The following CTSK variants were observed in gnomAD, a reference collection of about 807,000 sequenced individuals.
CTSK encodes cathepsin K.
CTSK carries 26 observed loss-of-function variants against 40.5 expected under a neutral mutation model. That is an observed-to-expected ratio of 0.64 (90% CI 0.47 to 0.89). CTSK has a LOEUF of 0.89. Ranked by LOEUF, CTSK falls within the 40% of genes least tolerant of loss-of-function variation. The pLI, the probability that CTSK is intolerant of heterozygous loss-of-function variation, is 0.00. For missense variants in CTSK, 292 were observed against 400.1 expected, an observed-to-expected ratio of 0.73 and a Z score of 2.30; for synonymous variants, 132 against 143.2, an observed-to-expected ratio of 0.92 and a Z score of 0.56.
chr1:150,799,145 A>G (rs369243472), intron 7 of CTSK, 23 bp downstream of exon 7: 62 of 1,470,964 alleles, frequency 4.2e-5, no homozygotes, highest in Admixed American at 6.7e-5. Flanking sequence ...ACTGAATAAC[A>G]AAAGTAGTGT....
intron 5 of CTSK, among the ~76,000 whole-genome samples, chr1:150,802,570 T>C (rs1654013868): frequency 1.3e-5 from 2 of 152,086 alleles, no homozygotes; most frequent in South Asian, 4.1e-4. Context: ...CACGCCATCA[T>C]ACCTGGCTAC....
intron 5 of CTSK, among the ~76,000 whole-genome samples, chr1:150,802,559 G>C (rs1037354519): frequency 6.6e-6 from 1 of 152,048 alleles, no homozygotes; most frequent in Non-Finnish European, 1.5e-5. Context: ...CTAGAACTAT[G>C]CACGCCATCA....
At chr1:150,802,556 T>C (rs941625026) in intron 5 of CTSK, among the ~76,000 whole-genome samples, 1 of 152,060 alleles carries the variant, frequency 6.6e-6, no homozygotes, top group African/African-American at 2.4e-5. Context: ...TAGCTAGAAC[T>C]ATGCACGCCA....
intron 5 of CTSK, among the ~76,000 whole-genome samples, chr1:150,803,507 G>C (rs1261123848): frequency 6.6e-6 from 1 of 152,154 alleles, no homozygotes; most frequent in African/African-American, 2.4e-5. Flanking sequence ...CTCCCTTTCA[G>C]ATATGATTTC....
At chr1:150,807,301 G>C (rs908212829) in intron 1 of CTSK, 1 of 471,458 alleles carries the variant, frequency 2.1e-6, no homozygotes, top group East Asian at 6.9e-5. Context: ...TCTTCGAGGC[G>C]TTCTTCTCTT....
intron 4 of CTSK, among the ~76,000 whole-genome samples, 180 bp downstream of exon 4, chr1:150,805,681 A>C (rs985611181): frequency 6.6e-6 from 1 of 151,396 alleles, no homozygotes; most frequent in Non-Finnish European, 1.5e-5. Context: ...AAAAAGAAAA[A>C]CCAGAAACAA....
rs868112062 is a variant in CTSK, at chr1:150,804,098, A to G, written c.541T>C (p.Tyr181His). ...ACATATTGGAAGGCATTGGTCATGT[A>G]GCCCCCTCCACAGCCATCATTCTCA... ...VSENDGCGGG[Y>H]MTNAFQYVQK... is the part of the protein sequence containing the mutation. The change falls in exon 5 of 8, where the codon TAC becomes CAC. Residue 181 changes from tyrosine to histidine, a missense_variant. Physicochemically the swap from Tyr to His is moderately conservative, Grantham distance 83. Transcript: ENST00000271651. 3 of 1,614,162 alleles carry G rather than the reference A, an allele frequency of 1.9e-6. No individual in the cohort carries two copies. In the Middle Eastern group the frequency reaches 4.9e-4, roughly 266 times the overall value.
chr1:150,806,607 A>G, intron 2 of CTSK, 79 bp downstream of exon 2: 2 of 1,584,760 alleles, frequency 1.3e-6, no homozygotes, highest in Non-Finnish European at 1.7e-6. Flanking sequence ...ATTTGGATTG[A>G]AGAAGGGAGT....
chr1:150,796,936 GTTTA>G (rs1343445667), intron 7 of CTSK, 38 bp from the exon 8 acceptor site: 2 of 1,312,448 alleles, frequency 1.5e-6, no homozygotes, highest in Non-Finnish European at 2.2e-6. Flanking sequence ...AGTACTCTCA[GTTTA>G]TTTATTCATT....
intron 5 of CTSK, among the ~76,000 whole-genome samples, chr1:150,800,137 T>C (rs1811698): frequency 0.78 from 112,906 of 145,354 alleles, 45,925 homozygotes; most frequent in Non-Finnish European, 0.89. Context: ...GCAGACCTTG[T>C]AGTGAGCCAA....
chr1:150,796,732 A>G lies in CTSK; in HGVS notation c.*67T>C. 9.1e-7 allele frequency: 1 copy of G among 1,100,324 alleles called. No individual in the cohort carries two copies. Among genetic ancestry groups the G allele is most frequent in the Non-Finnish European group, 1.4e-6 (1 of 710,674 alleles). 68.2% of individuals were successfully genotyped at this position (1,100,324 alleles called of 1,614,324 possible). A position where few individuals can be genotyped will look rare whatever the true frequency, so the allele number is the denominator to read the frequency against. On this transcript the variant is annotated 3_prime_UTR_variant, in exon 8 of 8. Coordinates refer to ENST00000271651, the MANE Select transcript of CTSK (RefSeq NM_000396.4). ...AAAATAGCACACCAACTCCCTTCCA[A>G]AGTGCATCGTTACACTGCACCATCG...
intron 1 of CTSK, among the ~76,000 whole-genome samples, chr1:150,807,802 C>T (rs1457972100): frequency 6.6e-6 from 1 of 152,144 alleles, no homozygotes; most frequent in Non-Finnish European, 1.5e-5. Flanking sequence ...TCCAGTAGGA[C>T]ATTTAAAAAC....
Position 150,806,707 on chromosome 1 carries a change from G to A in CTSK, c.99C>T (p.His33=). The A allele has an allele frequency of 1.2e-6, 2 of 1,614,086 alleles. No individual in the cohort carries two copies. The highest frequency in any genetic ancestry group is 8.5e-7 in the Non-Finnish European group (1 of 1,180,014). The change falls in exon 2 of 8, where the codon CAC becomes CAT. Residue 33 remains histidine, a synonymous_variant. Transcript: ENST00000271651. ...GCACCTTGTTGTTATATTGCTTCCT[G>A]TGGGTCTTCTTCCATAGCTCCCAGT... ...DTHWELWKKT[H]RKQYNNKVDE... is the part of the protein sequence containing the mutation.
intron 5 of CTSK, among the ~76,000 whole-genome samples, 160 bp downstream of exon 5, chr1:150,803,861 G>C (rs1229436094): frequency 1.3e-5 from 2 of 152,194 alleles, no homozygotes; most frequent in African/African-American, 4.8e-5. Flanking sequence ...AATTCCCCCA[G>C]ATTGTGGAAA....
intron 1 of CTSK, among the ~76,000 whole-genome samples, chr1:150,807,838 C>A (rs1413031103): frequency 1.3e-5 from 2 of 152,160 alleles, no homozygotes; most frequent in Non-Finnish European, 2.9e-5. Flanking sequence ...TTTGAGATGT[C>A]TCAGTGAACA....
chr1:150,802,876 C>A (rs185870597), intron 5 of CTSK, among the ~76,000 whole-genome samples: 2 of 152,074 alleles, frequency 1.3e-5, no homozygotes, highest in East Asian at 3.9e-4. Context: ...CCAGCCTGGG[C>A]AACAGAGTAA....
In CTSK at chr1:150,805,914, G is replaced by A. The variant is rs777647239; in HGVS notation, c.346C>T (p.Pro116Ser). ...LYIPEWEGRA[P>S]DSVDYRKKGY... is the part of the protein sequence containing the mutation. ...TTCTTTCGATAGTCGACAGAGTCTG[G>A]GGCTCTACCTTCCCATTCTGGGATA... The change falls in exon 4 of 8, where the codon CCA becomes TCA. Residue 116 changes from proline to serine, a missense_variant. Physicochemically the swap from Pro to Ser is moderately conservative, Grantham distance 74 (BLOSUM62 -1). Coordinates refer to ENST00000271651, the MANE Select transcript of CTSK (RefSeq NM_000396.4). The A allele has an allele frequency of 1.2e-6, 2 of 1,614,106 alleles. No individual in the cohort carries two copies. The highest frequency in any genetic ancestry group is 2.2e-5 in the South Asian group (2 of 91,068).
chr1:150,802,043 C>T (rs1243860549), intron 5 of CTSK, among the ~76,000 whole-genome samples: 4 of 144,248 alleles, frequency 2.8e-5, no homozygotes, highest in African/African-American at 5.2e-5. Flanking sequence ...TTTGGGAGGC[C>T]GAGGCGGGCG....
intron 4 of CTSK, among the ~76,000 whole-genome samples, chr1:150,805,233 G>C (rs866946171): frequency 3.4e-5 from 5 of 145,278 alleles, no homozygotes; most frequent in East Asian, 4.4e-4. Context: ...AAATTTGGGG[G>C]GGGGGAAAGG....
Sources: allele counts gnomAD v4.1 joint callset (sites outside exome capture counted in the v4.1 genomes callset), GRCh38; gene constraint gnomAD v4.1.1; transcripts MANE v1.5; gene names NCBI Gene and HGNC (gene_info 2026-07-23, HGNC 2026-07-21).